RSF1: variants seen among roughly 807,000 people sequenced by gnomAD.
RSF1 encodes remodeling and spacing factor 1, also known as HBV pX-associated protein 8.
RSF1 carries 13 observed loss-of-function variants against 145.2 expected under a neutral mutation model. The ratio of observed to expected loss-of-function variants is 0.09; its 90% confidence interval spans 0.06 to 0.14. The LOEUF (loss-of-function observed/expected upper bound fraction) is 0.14, where lower values mean the gene tolerates loss of function less well. RSF1 is among the 10% of genes least tolerant of loss of function. RSF1 has a pLI of 1.00. For synonymous variants in RSF1, 577 were observed against 592.6 expected (o/e 0.97, Z 0.38); for missense variants, 1,517 against 1,718.2 (o/e 0.88, Z 2.07).
chr11:77,821,398 G>T (rs576893069), upstream of RSF1, among the ~76,000 whole-genome samples: 3 of 152,284 alleles, frequency 2.0e-5, no homozygotes, highest in East Asian at 3.9e-4. Flanking sequence ...TTAGGGGCTG[G>T]GCTGGGACCT....
In RSF1 at chr11:77,781,773, G is replaced by A. The variant is rs528092448; in HGVS notation, c.188-17084C>T. On this transcript the variant is annotated intron_variant, in intron 1 of 15. Coordinates refer to ENST00000308488, the MANE Select transcript of RSF1 (RefSeq NM_016578.4). ...TGCACTATTGACTACTGAGAGGGAA[G>A]TGTTGAAATTTCCAGTTATAACTGC... Among the ~76,000 whole-genome samples the A allele has an allele frequency of 9.6e-4, 147 of 152,340 alleles. 1 individual carries two copies. Among genetic ancestry groups the A allele is most frequent in the African/African-American group, 3.4e-3 (141 of 41,586 alleles).
At chr11:77,724,831 GGAGTGGTAATGCTCACTC>G (rs1961015915) in intron 5 of RSF1, among the ~76,000 whole-genome samples, 1 of 152,180 alleles carries the variant, frequency 6.6e-6, no homozygotes, top group Admixed American at 6.5e-5. Flanking sequence ...AATGCTCACT[GGAGTGGTAATGCTCACTC>G]GTCCCTGCTC....
intron 1 of RSF1, among the ~76,000 whole-genome samples, chr11:77,770,638 C>T (rs893514745): frequency 6.6e-6 from 1 of 152,104 alleles, no homozygotes; most frequent in Non-Finnish European, 1.5e-5. Flanking sequence ...ACTGTTGTTC[C>T]CACATACATA....
chr11:77,748,821 C>T (rs1948030372), intron 2 of RSF1, among the ~76,000 whole-genome samples: 1 of 152,108 alleles, frequency 6.6e-6, no homozygotes, highest in Non-Finnish European at 1.5e-5. Context: ...AGTATTTACA[C>T]AAGAAAGAGG....
intron 4 of RSF1, 101 bp downstream of exon 4, chr11:77,740,630 A>G (rs1214566758): frequency 9.0e-7 from 1 of 1,111,580 alleles, no homozygotes; most frequent in Non-Finnish European, 1.3e-6. Flanking sequence ...AAACTCACAC[A>G]CAAAAAACCA....
chr11:77,816,496 A>C (rs927398226), intron 1 of RSF1, among the ~76,000 whole-genome samples: 26 of 152,244 alleles, frequency 1.7e-4, no homozygotes, highest in Non-Finnish European at 5.9e-5. Flanking sequence ...GAAACAAAAA[A>C]CTAATGGCTC....
intron 1 of RSF1, among the ~76,000 whole-genome samples, chr11:77,774,443 G>A (rs1948319430): frequency 6.6e-6 from 1 of 151,748 alleles, no homozygotes; most frequent in Non-Finnish European, 1.5e-5. Flanking sequence ...ATGGTGGTGT[G>A]CACCTGTAGT....
At chr11:77,872,220 G>A in the RSF1 span, 189,519 of 1,613,274 alleles carry the variant, frequency 0.12, 12,203 homozygotes, top group Admixed American at 0.22. Flanking sequence ...TGGCATTGAT[G>A]TGCGGGTCCT....
At position 77,820,611 on chromosome 11, in the gene RSF1, G is replaced by T. The variant is rs776043586; in HGVS notation, c.104C>A (p.Pro35Gln). ...CGGCAACTCAGGCAGGTCTAGCAGC[G>T]GCCCGTAGCGCTCCAAGAAGGAGCA... ...VVCSFLERYG[P>Q]LLDLPELPFP... The change falls in exon 1 of 16, where the codon CCG becomes CAG. Residue 35 changes from proline (P) to glutamine (Q), a missense_variant. Coordinates refer to ENST00000308488, the MANE Select transcript of RSF1 (RefSeq NM_016578.4). 28 of 1,566,934 alleles carry T rather than the reference G, an allele frequency of 1.8e-5. No individual in the cohort carries two copies. The highest frequency in any genetic ancestry group is 2.3e-5 in the Non-Finnish European group (27 of 1,157,596).
chr11:77,855,519 CG>C, the RSF1 span: 4 of 166,726 alleles, frequency 2.4e-5, no homozygotes, highest in African/African-American at 7.2e-5. Flanking sequence ...TTAGTAGAGA[CG>C]GGGTGTCACC....
intron 13 of RSF1, among the ~76,000 whole-genome samples, chr11:77,676,323 T>C (rs891316071): frequency 1.3e-5 from 2 of 152,062 alleles, no homozygotes; most frequent in African/African-American, 4.8e-5. Context: ...CCTCTTCTAA[T>C]AATCTGAAAG....
chr11:77,820,764 T>G (rs10751277), upstream of RSF1: 1,514,108 of 1,514,120 alleles, frequency 1, 757,049 homozygotes, highest in Middle Eastern at 1. Flanking sequence ...GGGGAAGTTG[T>G]GGTGCCGAGG....
chr11:77,706,101 T>C (rs960096857), intron 5 of RSF1, among the ~76,000 whole-genome samples: 8 of 151,556 alleles, frequency 5.3e-5, no homozygotes, highest in Admixed American at 2.0e-4. Context: ...ATTAGCAGGG[T>C]GGGGTGGTGT....
the RSF1 span, among the ~76,000 whole-genome samples, chr11:77,826,486 C>G: frequency 1.3e-5 from 2 of 152,138 alleles, no homozygotes; most frequent in African/African-American, 4.8e-5. Context: ...GTTTGACATC[C>G]TATACAGCAA....
chr11:77,820,691 C>CGCCGCT lies in RSF1; in HGVS notation c.18_23dup (p.Ala8_Ala9dup), dbSNP rs1425406112. Reference sequence around the variant, plus strand: ...GGCAGCCCGGAGGAGCCATCACCGCCGCCGCTGCCGCCGCCGTCGCCATTT... The same window carrying CGCCGCT: ...GGCAGCCCGGAGGAGCCATCACCGCCGCCGCTGCCGCTGCCGCCGCCGTCGCCATTT... On this transcript the variant is annotated inframe_insertion, in exon 1 of 16. Transcript: ENST00000308488. The CGCCGCT allele has an allele frequency of 6.5e-7, 1 of 1,550,090 alleles. No homozygotes were observed. Among genetic ancestry groups the CGCCGCT allele is most frequent in the Non-Finnish European group, 8.7e-7 (1 of 1,148,158 alleles).
At chr11:77,734,176 CTT>C (rs1359035680) in intron 4 of RSF1, among the ~76,000 whole-genome samples, 1 of 152,126 alleles carries the variant, frequency 6.6e-6, no homozygotes, top group Non-Finnish European at 1.5e-5. Context: ...TTTAATGAAA[CTT>C]AACTACTTCT....
chr11:77,849,746 T>G, the RSF1 span, among the ~76,000 whole-genome samples: 1 of 152,252 alleles, frequency 6.6e-6, no homozygotes. Context: ...TCTTTTTATC[T>G]TCCAAACCTG....
chr11:77,677,036 T>A (rs1959726402), intron 12 of RSF1, 37 bp from the exon 13 acceptor site: 2 of 1,496,012 alleles, frequency 1.3e-6, no homozygotes, highest in Non-Finnish European at 1.9e-6. Flanking sequence ...GAGAGAAAAA[T>A]ATGTGTTTAT....
intron 2 of RSF1, among the ~76,000 whole-genome samples, chr11:77,757,449 G>A (rs1377454247): frequency 1.3e-5 from 2 of 152,184 alleles, no homozygotes; most frequent in Admixed American, 6.5e-5. Flanking sequence ...GGAGGCCAAG[G>A]CGGGTGGATC....
Sources: gnomAD v4.1 joint callset for allele counts (sites outside exome capture counted in the v4.1 genomes callset) on GRCh38, gnomAD v4.1.1 for gene constraint, MANE v1.5 for transcripts, NCBI Gene and HGNC (gene_info 2026-07-23, HGNC 2026-07-21) for gene names.